The following RELCH variants were observed in gnomAD, a reference collection of about 807,000 sequenced individuals.
RELCH encodes RAB11 binding and LisH domain, coiled-coil and HEAT repeat containing, also known as RAB11-binding protein RELCH.
A neutral mutation model predicts 150.3 loss-of-function variants in RELCH; 41 were observed. That is an observed-to-expected ratio of 0.27 (90% CI 0.21 to 0.35). The LOEUF is 0.35. Among genes scored for constraint, RELCH ranks in the 10% least tolerant of loss-of-function variants. RELCH has a pLI of 1.00. For synonymous variants in RELCH, 478 were observed against 531.8 expected (o/e 0.90, Z 1.39); for missense variants, 1,092 against 1,467.8 (o/e 0.74, Z 4.18).
chr18:62,241,000 G>C (rs1486568585), intron 10 of RELCH, among the ~76,000 whole-genome samples: 1 of 152,046 alleles, frequency 6.6e-6, no homozygotes. Flanking sequence ...TAGCCCTCCT[G>C]TGCAAATAAC....
intron 1 of RELCH, among the ~76,000 whole-genome samples, chr18:62,208,757 G>A (rs2039975111): frequency 6.6e-6 from 1 of 152,100 alleles, no homozygotes; most frequent in African/African-American, 2.4e-5. Context: ...AGAATATGTG[G>A]TATTTGGCTT....
intron 1 of RELCH, among the ~76,000 whole-genome samples, chr18:62,205,523 A>G (rs1392393327): frequency 6.6e-6 from 1 of 152,136 alleles, no homozygotes; most frequent in Non-Finnish European, 1.5e-5. Flanking sequence ...TTTGAGATTC[A>G]CTCATATTAT....
rs1431783541 is a variant in RELCH at position 62,196,344 on chromosome 18, C to G, written c.526+8313C>G. ...TCCTGGGTTCAAGTGACTCTGGTGC[C>G]TCAGCCTCCTCAGTAGCTGGGATTA... On this transcript the variant is annotated intron_variant, in intron 1 of 28. Coordinates refer to ENST00000644646, the MANE Select transcript of RELCH (RefSeq NM_001346231.2). Among the ~76,000 whole-genome samples the G allele has an allele frequency of 3.9e-5, 6 of 152,292 alleles. No individual in the cohort carries two copies. The East Asian group carries it at 7.7e-4, about 20-fold the overall frequency.
intron 11 of RELCH, among the ~76,000 whole-genome samples, chr18:62,250,145 G>A (rs2042625019): frequency 6.6e-6 from 1 of 151,962 alleles, no homozygotes; most frequent in Admixed American, 6.6e-5. Flanking sequence ...TAACCTGTGG[G>A]CCTTCTAATC....
intron 2 of RELCH, among the ~76,000 whole-genome samples, chr18:62,217,968 C>G (rs556636007): frequency 6.6e-6 from 1 of 152,026 alleles, no homozygotes; most frequent in East Asian, 1.9e-4. Context: ...TAAGTCATGC[C>G]TAACAGTACT....
chr18:62,228,458 C>T lies in RELCH; in HGVS notation c.1308C>T (p.Ile436=). 6.2e-7 allele frequency: 1 copy of T among 1,613,334 alleles called. No individual in the cohort carries two copies. ...CAGACAAGGGAAAAAACACAGACAT[C>T]CATCTTTCAATATCAGATGAAGCTG... ...NSSDKGKNTD[I]HLSISDEADS... Residue 436 remains isoleucine (I), a synonymous_variant, in exon 8 of 29, where the codon ATC becomes ATT. Coordinates refer to ENST00000644646, the MANE Select transcript of RELCH (RefSeq NM_001346231.2).
At chr18:62,282,751 G>A (rs2144963556) in intron 25 of RELCH, among the ~76,000 whole-genome samples, 1 of 152,276 alleles carries the variant, frequency 6.6e-6, no homozygotes, top group South Asian at 2.1e-4. Context: ...TCTGCCTCCT[G>A]GGTACAAGTG....
intron 1 of RELCH, among the ~76,000 whole-genome samples, chr18:62,202,559 G>GA (rs2039521806): frequency 6.6e-6 from 1 of 152,114 alleles, no homozygotes; most frequent in South Asian, 2.1e-4. Context: ...CTTGGAACTA[G>GA]AAAAAATTAG....
At chr18:62,235,422 T>C (rs1384631268) in intron 10 of RELCH, 1 of 152,192 alleles carries the variant, frequency 6.6e-6, no homozygotes, top group East Asian at 1.9e-4. Flanking sequence ...TGCACATCAC[T>C]ATTGTCTGTT....
At position 62,274,036 on chromosome 18, in the gene RELCH, A is replaced by G. The variant is rs1477447755; in HGVS notation, c.2817A>G (p.Ser939=). 3.7e-6 allele frequency: 6 copies of G among 1,613,106 alleles called. No individual in the cohort carries two copies. Among genetic ancestry groups the G allele is most frequent in the East Asian group, 2.2e-5 (1 of 44,756 alleles). ...GFLEDVMTLL[S]LSHAPLDSLK... ...TAGAAGATGTAATGACGCTGCTTTC[A>G]TTATCTCATGCTCCTCTTGATAGCC... Residue 939 remains serine (S), a synonymous_variant, in exon 21 of 29, where the codon TCA becomes TCG. Transcript: ENST00000644646.
rs1004882119 is a variant in RELCH, at chr18:62,277,631, A to G, written c.2968-2143A>G. On this transcript the variant is annotated intron_variant, in intron 22 of 28. Transcript: ENST00000644646. ...ATGAGAAATGAGAAGAAAATGAGGC[A>G]TACATATACCAGGAACCTAATAGGG... is the stretch of plus-strand genomic sequence containing the variant. The G allele has an allele frequency of 4.2e-6, 4 of 950,512 alleles. No homozygotes were observed. The African/African-American group carries it at 7.1e-5, about 17-fold the overall frequency. The allele number at this position is 950,512 out of a possible 1,614,324, so 58.9% of individuals were successfully genotyped here. A position where few individuals can be genotyped will look rare whatever the true frequency, so the allele number is the denominator to read the frequency against.
At chr18:62,231,121 A>T (rs887757206) in intron 8 of RELCH, 73 bp from the exon 9 acceptor site, 7 of 1,028,068 alleles carry the variant, frequency 6.8e-6, no homozygotes, top group Non-Finnish European at 1.1e-5. Flanking sequence ...GTTATAATAC[A>T]TAACTTAAAT....
At chr18:62,228,236 T>G in intron 7 of RELCH, 69 bp from the exon 8 acceptor site, 453 of 1,185,520 alleles carry the variant, frequency 3.8e-4, no homozygotes, top group Non-Finnish European at 5.0e-4. Context: ...AAACCCATTA[T>G]GAGATTTATG....
chr18:62,237,225 C>T (rs2041920886), intron 10 of RELCH, among the ~76,000 whole-genome samples: 1 of 151,708 alleles, frequency 6.6e-6, no homozygotes, highest in Non-Finnish European at 1.5e-5. Flanking sequence ...TCCTGGAGAA[C>T]GTTCTGTGTG....
chr18:62,288,782 G>A (rs1038724052), intron 26 of RELCH, among the ~76,000 whole-genome samples: 2 of 152,048 alleles, frequency 1.3e-5, no homozygotes, highest in African/African-American at 4.8e-5. Context: ...AGGGAAGATA[G>A]AGGAAGCAAA....
chr18:62,265,191 A>ACATT (rs1238982518), intron 18 of RELCH, among the ~76,000 whole-genome samples: 1 of 152,086 alleles, frequency 6.6e-6, no homozygotes, highest in Non-Finnish European at 1.5e-5. Flanking sequence ...ACTGTCTATC[A>ACATT]CAGGTTCAGG....
intron 2 of RELCH, among the ~76,000 whole-genome samples, chr18:62,215,678 A>T (rs2040435625): frequency 6.6e-6 from 1 of 152,306 alleles, no homozygotes. Flanking sequence ...CTATAAGCCT[A>T]GAAAACTAAT....
At chr18:62,246,724 A>G (rs978872920) in intron 11 of RELCH, 5 of 152,212 alleles carry the variant, frequency 3.3e-5, no homozygotes, top group Admixed American at 2.6e-4. Context: ...CATTATTTTT[A>G]TCTAAGGCAG....
At chr18:62,259,354 TA>T (rs71811362) in intron 15 of RELCH, among the ~76,000 whole-genome samples, 14,804 of 148,316 alleles carry the variant, frequency 0.1, 848 homozygotes, top group East Asian at 0.19. Flanking sequence ...GTGAATAAGC[TA>T]AAAAAAAAAT....
Sources: allele counts gnomAD v4.1 joint callset (sites outside exome capture counted in the v4.1 genomes callset), GRCh38; gene constraint gnomAD v4.1.1; transcripts MANE v1.5; gene names NCBI Gene and HGNC (gene_info 2026-07-23, HGNC 2026-07-21).